The following UPF3B variants were observed in gnomAD, a reference collection of about 807,000 sequenced individuals.
The protein encoded by UPF3B is UPF3B regulator of nonsense mediated mRNA decay.
UPF3B carries 7 observed loss-of-function variants against 40.3 expected under a neutral mutation model. That is an observed-to-expected ratio of 0.17 (90% CI 0.10 to 0.33). UPF3B has a LOEUF of 0.33. UPF3B is among the 10% of genes least tolerant of loss of function. The pLI, the probability that UPF3B is intolerant of heterozygous loss-of-function variation, is 1.00. For missense variants in UPF3B, 229 were observed against 358.9 expected (o/e 0.64, Z 2.93); for synonymous variants, 117 against 117.3 (o/e 1.00, Z 0.01).
At chrX:119,821,605 G>A (rs1200023428) in intron 4 of UPF3B, among the ~76,000 whole-genome samples, 1 of 111,874 alleles carries the variant, frequency 8.9e-6, no homozygotes, top group African/African-American at 3.2e-5. Flanking sequence ...AGACCAGCCT[G>A]GCCAAGATGG....
At chrX:119,831,610 C>T (rs745330391), downstream of UPF3B, 7 of 654,193 alleles carry the variant, frequency 1.1e-5, no homozygotes, top group Admixed American at 1.8e-4. Context: ...TGCGCCACCA[C>T]GCCTGGCCTC....
chrX:119,816,447 C>T (rs1263989455), intron 4 of UPF3B, among the ~76,000 whole-genome samples: 1 of 111,693 alleles, frequency 9.0e-6, no homozygotes, highest in African/African-American at 3.3e-5. Flanking sequence ...ATTTGAATCC[C>T]TGACCCCAGG....
At chrX:119,829,805 C>T (rs1603368570), downstream of UPF3B, among the ~76,000 whole-genome samples, 1 of 111,558 alleles carries the variant, frequency 9.0e-6, no homozygotes. Flanking sequence ...GGATGAATTC[C>T]AAATCCATAC....
downstream of UPF3B, chrX:119,831,557 G>A (rs766879281): frequency 5.3e-5 from 15 of 280,509 alleles, no homozygotes; most frequent in African/African-American, 2.4e-4. Flanking sequence ...GACCTCATGC[G>A]ATCTGCCCGC....
At chrX:119,817,383 C>G (rs1049266100) in intron 4 of UPF3B, among the ~76,000 whole-genome samples, 1 of 111,671 alleles carries the variant, frequency 9.0e-6, no homozygotes, top group Non-Finnish European at 1.9e-5. Context: ...AGGTGAAGTG[C>G]GAGCATAGGA....
intron 3 of UPF3B, among the ~76,000 whole-genome samples, chrX:119,849,611 T>C (rs1161407656): frequency 3.7e-5 from 4 of 109,376 alleles, no homozygotes; most frequent in African/African-American, 1.3e-4. Flanking sequence ...CAGAGGGAAA[T>C]TGTGGAAGAC....
chrX:119,828,077 G>A (rs1046707383), intron 3 of UPF3B, among the ~76,000 whole-genome samples: 7 of 106,545 alleles, frequency 6.6e-5, no homozygotes, highest in African/African-American at 1.0e-4. Flanking sequence ...TTTTCGAGCC[G>A]GAGTCTCGCT....
intron 5 of UPF3B, among the ~76,000 whole-genome samples, chrX:119,813,978 G>A (rs1486674775): frequency 9.0e-6 from 1 of 111,722 alleles, no homozygotes; most frequent in Non-Finnish European, 1.9e-5. Flanking sequence ...CAAAACAAAG[G>A]CATGCTAGCG....
At chrX:119,820,681 C>T (rs1322315897) in intron 4 of UPF3B, among the ~76,000 whole-genome samples, 2 of 106,593 alleles carry the variant, frequency 1.9e-5, no homozygotes, top group Admixed American at 1.0e-4. Flanking sequence ...GTTGGCCAGG[C>T]TGGTCTCGAA....
intron 9 of UPF3B, 157 bp from the exon 10 acceptor site, chrX:119,838,208 AT>A (rs1191802461): frequency 1.1e-6 from 1 of 906,340 alleles, no homozygotes; most frequent in African/African-American, 2.0e-5. Flanking sequence ...CCCCAAAACC[AT>A]TCACCCAGAT....
At position 119,851,764 on chromosome X, in the gene UPF3B, T is replaced by TTTTTTTTTTTTTTTTA; in HGVS notation, c.263+2_263+3insTAAAAAAAAAAAAAAA. 1.2e-5 allele frequency: 12 copies of TTTTTTTTTTTTTTTTA among 968,454 alleles called. No individual in the cohort carries two copies. Among genetic ancestry groups the TTTTTTTTTTTTTTTTA allele is most frequent in the South Asian group, 2.2e-5 (1 of 44,608 alleles). The allele number at this position is 968,454 out of a possible 1,213,427, so 79.8% of individuals were successfully genotyped here. A position where few individuals can be genotyped will look rare whatever the true frequency, so the allele number is the denominator to read the frequency against. Reference sequence around the variant, plus strand: ...ACCCCTTTCCTTTTTTTTTTTTTTTTACCTCGTATCATTAGAAAAAAACTC... The same window carrying TTTTTTTTTTTTTTTTA: ...ACCCCTTTCCTTTTTTTTTTTTTTTTTTTTTTTTTTTTTTTAACCTCGTATCATTAGAAAAAAACTC... On this transcript the variant is annotated splice_region_variant and intron_variant, in intron 2 of 10. Transcript: ENST00000276201.
At chrX:119,844,340 C>T (rs1340131379) in intron 4 of UPF3B, among the ~76,000 whole-genome samples, 2 of 110,865 alleles carry the variant, frequency 1.8e-5, no homozygotes, top group Non-Finnish European at 3.8e-5. Flanking sequence ...AGTGAGCCAC[C>T]GCGCCTGGCC....
intron 3 of UPF3B, among the ~76,000 whole-genome samples, chrX:119,845,946 T>C (rs989444517): frequency 6.3e-5 from 7 of 111,451 alleles, no homozygotes; most frequent in Non-Finnish European, 9.4e-5. Flanking sequence ...AATGTATATA[T>C]GTATACATTA....
chrX:119,807,052 GA>G (rs1214036764), intron 6 of UPF3B, among the ~76,000 whole-genome samples: 5,951 of 67,469 alleles, frequency 0.088, 311 homozygotes, highest in African/African-American at 0.19. Context: ...AAAAAAAAAA[GA>G]AAAAAAAAAA....
Position 119,837,310 on chromosome X carries a change from C to T in UPF3B, c.1302+447G>A, listed in dbSNP as rs145764216. On this transcript the variant is annotated intron_variant, in intron 10 of 10. Transcript: ENST00000276201. ...ATTTCTATAGTAAGTTAATAAAAGC[C>T]CAGCCAAGACTGAAATAAAAGTTGG... Among the ~76,000 whole-genome samples, 4 of 109,187 alleles carry T rather than the reference C, an allele frequency of 3.7e-5. No homozygotes were observed. The East Asian group carries it at 1.2e-3, about 32-fold the overall frequency. The allele number at this position is 109,187 out of a possible 115,157, so 94.8% of individuals were successfully genotyped here. A position where few individuals can be genotyped will look rare whatever the true frequency, so the allele number is the denominator to read the frequency against.
intron 3 of UPF3B, among the ~76,000 whole-genome samples, chrX:119,848,778 C>T (rs1416277176): frequency 1.8e-5 from 2 of 110,988 alleles, no homozygotes; most frequent in African/African-American, 6.6e-5. Context: ...GGAGGGAAAT[C>T]ATAGATACAT....
rs1192861321 is a variant in UPF3B, at chrX:119,834,509, A to G, written c.*369T>C. The G allele has an allele frequency of 1.1e-6, 1 of 880,595 alleles. No individual in the cohort carries two copies. Among genetic ancestry groups the G allele is most frequent in the African/African-American group, 2.1e-5 (1 of 47,637 alleles). 72.6% of individuals were successfully genotyped at this position (880,595 alleles called of 1,213,427 possible). On this transcript the variant is annotated 3_prime_UTR_variant, in exon 11 of 11. Transcript: ENST00000276201. The stretch of plus-strand genomic sequence containing the variant: ...GACTCTGCTCCACCCAAATTCAGAA[A>G]ATTCAATTCAGGATGAACAACAGCT...
At chrX:119,823,313 G>A (rs930217430) in intron 3 of UPF3B, among the ~76,000 whole-genome samples, 1 of 111,264 alleles carries the variant, frequency 9.0e-6, no homozygotes, top group Non-Finnish European at 1.9e-5. Flanking sequence ...CAGTGCAAGT[G>A]GCATGATCCA....
intron 8 of UPF3B, 65 bp from the exon 9 acceptor site, chrX:119,838,592 G>A: frequency 1.8e-6 from 2 of 1,093,167 alleles, no homozygotes; most frequent in Admixed American, 2.3e-5. Flanking sequence ...TAAAAACCCA[G>A]TATACCAAAT....
Sources: gnomAD v4.1 joint callset for allele counts (sites outside exome capture counted in the v4.1 genomes callset) on GRCh38, gnomAD v4.1.1 for gene constraint, MANE v1.5 for transcripts, NCBI Gene and HGNC (gene_info 2026-07-23, HGNC 2026-07-21) for gene names.